The following KSR1 variants were observed in gnomAD, a reference collection of about 807,000 sequenced individuals.
KSR1 encodes kinase suppressor of ras 1.
KSR1 carries 35 observed loss-of-function variants against 92.9 expected under a neutral mutation model. The ratio of observed to expected loss-of-function variants is 0.38; its 90% CI spans 0.29 to 0.50. KSR1 has a LOEUF of 0.50. KSR1 is among the 20% of genes least tolerant of loss of function. KSR1 has a pLI of 0.94. For synonymous variants in KSR1, 467 were observed against 472.6 expected, an observed-to-expected ratio of 0.99 and a Z score of 0.15; for missense variants, 972 against 1,158.5, an observed-to-expected ratio of 0.84 and a Z score of 2.34.
chr17:27,553,084 G>C (rs1304466055), intron 2 of KSR1, among the ~76,000 whole-genome samples: 1 of 152,098 alleles, frequency 6.6e-6, no homozygotes, highest in Non-Finnish European at 1.5e-5. Flanking sequence ...CTTCTTCTTG[G>C]AATGCCTGGA....
At chr17:27,586,400 C>G (rs1264718739) in intron 5 of KSR1, among the ~76,000 whole-genome samples, 1 of 152,198 alleles carries the variant, frequency 6.6e-6, no homozygotes, top group Non-Finnish European at 1.5e-5. Context: ...CTATCCCGAG[C>G]TGGCTAAGGA....
In KSR1 at chr17:27,623,672, A is replaced by G. The variant is rs1003094854; in HGVS notation, c.*280A>G. The G allele has an allele frequency of 8.3e-6, 5 of 599,952 alleles. No individual in the cohort carries two copies. The highest frequency in any genetic ancestry group is 5.6e-5 in the East Asian group (2 of 35,572). The allele number at this position is 599,952 out of a possible 1,614,324, so 37.2% of individuals were successfully genotyped here. ...TGAACCTGATGTTTTACAATAGGTA[A>G]TAATAAAAACAGTCTGTGCAGATGC... On this transcript the variant is annotated 3_prime_UTR_variant, in exon 21 of 21. Coordinates refer to ENST00000644974, the MANE Select transcript of KSR1 (RefSeq NM_001394583.1).
At chr17:27,461,252 C>T (rs780759081) in intron 1 of KSR1, among the ~76,000 whole-genome samples, 55 of 152,110 alleles carry the variant, frequency 3.6e-4, no homozygotes, top group Middle Eastern at 3.4e-3. Flanking sequence ...AGCTAATTTT[C>T]GTGTTTTTAG....
At chr17:27,573,089 C>T (rs887551127) in intron 2 of KSR1, among the ~76,000 whole-genome samples, 1 of 152,218 alleles carries the variant, frequency 6.6e-6, no homozygotes, top group African/African-American at 2.4e-5. Flanking sequence ...ATGTCACTCA[C>T]TGATCAGATT....
intron 1 of KSR1, chr17:27,526,451 G>GT (rs940260005): frequency 6.0e-5 from 94 of 1,576,712 alleles, no homozygotes; most frequent in South Asian, 1.0e-4. Flanking sequence ...AAAGTTTGTA[G>GT]TTTTTTTTCC....
At chr17:27,590,570 A>G (rs2073130344) in intron 6 of KSR1, among the ~76,000 whole-genome samples, 1 of 152,220 alleles carries the variant, frequency 6.6e-6, no homozygotes. Flanking sequence ...CCAAATTGGT[A>G]CTGCCAGATG....
At chr17:27,488,348 G>A (rs1340387001) in intron 1 of KSR1, among the ~76,000 whole-genome samples, 1 of 151,842 alleles carries the variant, frequency 6.6e-6, no homozygotes, top group Admixed American at 6.6e-5. Flanking sequence ...ACTTCTGTCT[G>A]GCTCACATGT....
rs1410882136 is a variant in KSR1, at chr17:27,619,228, C to T, written c.2627+1800C>T. 7.2e-5 allele frequency among the ~76,000 whole-genome samples: 11 copies of T among 152,228 alleles called. No individual in the cohort carries two copies. The East Asian group carries it at 1.9e-3, about 27-fold the overall frequency. On this transcript the variant is annotated intron_variant, in intron 19 of 20. Transcript: ENST00000644974. ...TACCTGGCGCCAGGTGTGGTGATGG[C>T]AGCATTCCTTATCCTAGGAAGGGTC...
chr17:27,475,409 G>A (rs1347618739), intron 1 of KSR1, among the ~76,000 whole-genome samples: 5 of 152,206 alleles, frequency 3.3e-5, no homozygotes. Flanking sequence ...TTTGGGGCTG[G>A]CACACTAACC....
intron 1 of KSR1, among the ~76,000 whole-genome samples, chr17:27,527,725 T>C (rs867499759): frequency 1.3e-5 from 2 of 152,202 alleles, no homozygotes; most frequent in Non-Finnish European, 2.9e-5. Flanking sequence ...TCAGACTGTA[T>C]AAGAATCATG....
At chr17:27,566,203 C>T (rs2072058021) in intron 2 of KSR1, among the ~76,000 whole-genome samples, 1 of 152,168 alleles carries the variant, frequency 6.6e-6, no homozygotes, top group Non-Finnish European at 1.5e-5. Context: ...GGTGGCCTTG[C>T]ATCCTGGACA....
chr17:27,556,586 T>C (rs189621552), intron 2 of KSR1, among the ~76,000 whole-genome samples: 98 of 152,336 alleles, frequency 6.4e-4, no homozygotes, highest in African/African-American at 2.1e-3. Context: ...ACTGCACATA[T>C]ACCTTTTCTA....
At chr17:27,516,210 A>C (rs2069787713) in intron 1 of KSR1, among the ~76,000 whole-genome samples, 1 of 152,230 alleles carries the variant, frequency 6.6e-6, no homozygotes, top group African/African-American at 2.4e-5. Flanking sequence ...GTGAAAGAGC[A>C]ATCGTAATGA....
chr17:27,555,419 G>C (rs1306837010), intron 2 of KSR1, among the ~76,000 whole-genome samples: 2 of 151,956 alleles, frequency 1.3e-5, no homozygotes, highest in African/African-American at 4.8e-5. Flanking sequence ...GATTTATTTT[G>C]TTTCTCAAGT....
At chr17:27,573,435 A>C (rs1235422736) in intron 2 of KSR1, among the ~76,000 whole-genome samples, 1 of 152,196 alleles carries the variant, frequency 6.6e-6, no homozygotes, top group African/African-American at 2.4e-5. Flanking sequence ...AGATATTTTA[A>C]GTTCAGCCTA....
intron 1 of KSR1, among the ~76,000 whole-genome samples, chr17:27,469,369 T>A (rs1247514902): frequency 6.6e-6 from 1 of 152,222 alleles, no homozygotes; most frequent in East Asian, 1.9e-4. Flanking sequence ...TTTTGCTGGC[T>A]GTTTCAGTCT....
In KSR1 at chr17:27,610,139, C is replaced by G. The variant is rs772595394; in HGVS notation, c.2298C>G (p.Thr766=). Reference sequence around the variant, plus strand: ...CCCCTGAGATTGTACGCGAGATGACCCCCGGGAAGGACGAGGATCAGCTGC... The same window carrying G: ...CCCCTGAGATTGTACGCGAGATGACGCCCGGGAAGGACGAGGATCAGCTGC... ...YLAPEIVREM[T]PGKDEDQLPF... is the part of the protein sequence containing the mutation. The change falls in exon 17 of 21, where the codon ACC becomes ACG. Residue 766 remains threonine, a synonymous_variant. Coordinates refer to ENST00000644974, the MANE Select transcript of KSR1 (RefSeq NM_001394583.1). 6.2e-7 allele frequency: 1 copy of G among 1,614,030 alleles called. No individual in the cohort carries two copies. The highest frequency in any genetic ancestry group is 1.3e-5 in the African/African-American group (1 of 75,068).
At chr17:27,517,482 G>A (rs2069846726) in intron 1 of KSR1, among the ~76,000 whole-genome samples, 1 of 152,152 alleles carries the variant, frequency 6.6e-6, no homozygotes, top group Non-Finnish European at 1.5e-5. Context: ...TAGAGATGGG[G>A]TTTTGCCATG....
At chr17:27,517,413 A>G (rs1012564070) in intron 1 of KSR1, among the ~76,000 whole-genome samples, 2 of 151,986 alleles carry the variant, frequency 1.3e-5, no homozygotes, top group Admixed American at 1.3e-4. Context: ...GCTCACTGCA[A>G]CATCCACCCC....
Sources: allele counts gnomAD v4.1 joint callset (sites outside exome capture counted in the v4.1 genomes callset), GRCh38; gene constraint gnomAD v4.1.1; transcripts MANE v1.5; gene names NCBI Gene and HGNC (gene_info 2026-07-23, HGNC 2026-07-21).